Variants in PTPRN2 observed in about 807,000 individuals in gnomAD.
PTPRN2 encodes the protein receptor-type tyrosine-protein phosphatase N2.
A neutral mutation model predicts 118.8 loss-of-function variants in PTPRN2; 74 were observed. That is an observed-to-expected ratio of 0.62 (90% CI 0.52 to 0.76). The LOEUF is 0.76. PTPRN2 is among the 30% of genes least tolerant of loss of function. The probability of loss-of-function intolerance (pLI) is 0.00; values close to 1 mark genes in which losing one functional copy is unlikely to be tolerated. For missense variants in PTPRN2, 1,481 were observed against 1,394.4 expected, an observed-to-expected ratio of 1.06 and a Z score of -0.99; for synonymous variants, 641 against 608.0, an observed-to-expected ratio of 1.05 and a Z score of -0.80.
At chr7:157,820,088 A>G (rs1806720488) in intron 12 of PTPRN2, among the ~76,000 whole-genome samples, 1 of 151,562 alleles carries the variant, frequency 6.6e-6, no homozygotes, top group Admixed American at 6.6e-5. Context: ...GTATATGCAC[A>G]CACACAACAC....
At position 158,171,238 on chromosome 7, in the gene PTPRN2, TACACATATATAC is replaced by T. The variant is rs1823595178; in HGVS notation, c.550-3959_550-3948del. 1.6e-4 allele frequency among the ~76,000 whole-genome samples: 10 copies of T among 63,944 alleles called. 1 individual carries two copies. In the South Asian group the frequency reaches 2.1e-3, roughly 14 times the overall value. The allele number at this position is 63,944 out of a possible 152,430, so 41.9% of individuals were successfully genotyped here. A position where few individuals can be genotyped will look rare whatever the true frequency, so the allele number is the denominator to read the frequency against. On this transcript the variant is annotated intron_variant, in intron 5 of 22. Transcript: ENST00000389418. Reference sequence around the variant, plus strand: ...ACACACATATATACACACATATATATACACATATATACACACATATATATACACACATATATA... The same window carrying T: ...ACACACATATATACACACATATATATACACATATATATACACACATATATA...
rs530685926 is a variant in PTPRN2 at position 158,092,668 on chromosome 7, A to G, written c.1644-11291T>C. 3.2e-4 allele frequency among the ~76,000 whole-genome samples: 49 copies of G among 152,282 alleles called. 1 individual carries two copies. The highest frequency in any genetic ancestry group is 3.1e-3 in the Admixed American group (48 of 15,306). On this transcript the variant is annotated intron_variant, in intron 10 of 22. Coordinates refer to ENST00000389418, the MANE Select transcript of PTPRN2 (RefSeq NM_002847.5). The stretch of plus-strand genomic sequence containing the variant: ...GTTCAGAGAAACACAGTGCTAATAA[A>G]GGTCTCAAAATTATCAAACAAAATC...
rs967844567 is a variant in PTPRN2 at position 157,987,099 on chromosome 7, G to A, written c.1724-88362C>T. The stretch of plus-strand genomic sequence containing the variant: ...CCACCAGCCAGTGGGGAATGAGCCC[G>A]TGAAGGTCACAGCCAGCCATGAAAC... On this transcript the variant is annotated intron_variant, in intron 11 of 22. Coordinates refer to ENST00000389418, the MANE Select transcript of PTPRN2 (RefSeq NM_002847.5). This position sits in a 1 kb window ranked among gnomAD's most constrained non-coding sequence, Gnocchi z 4.3. 4.6e-5 allele frequency among the ~76,000 whole-genome samples: 7 copies of A among 152,278 alleles called. No individual in the cohort carries two copies. Among genetic ancestry groups the A allele is most frequent in the South Asian group, 2.1e-4 (1 of 4,828 alleles).
chr7:158,489,620 G>T, intron 2 of PTPRN2, 115 bp downstream of exon 2: 3 of 1,096,166 alleles, frequency 2.7e-6, no homozygotes, highest in Non-Finnish European at 3.7e-6. Flanking sequence ...TCTCGGCAGC[G>T]CGCCCCGGGC....
intron 3 of PTPRN2, among the ~76,000 whole-genome samples, chr7:158,262,933 TGCACACACAC>T (rs1408928732): frequency 7.7e-6 from 1 of 129,116 alleles, no homozygotes; most frequent in African/African-American, 3.4e-5. Flanking sequence ...ATTCACACAC[TGCACACACAC>T]ATTCACACAC....
chr7:157,918,411 G>T (rs1036721122), intron 11 of PTPRN2, among the ~76,000 whole-genome samples: 14 of 152,170 alleles, frequency 9.2e-5, no homozygotes, highest in African/African-American at 3.1e-4. Flanking sequence ...GAAGGAACAG[G>T]AGGGAAGCTG....
At chr7:158,416,639 A>C (rs114287698) in intron 2 of PTPRN2, among the ~76,000 whole-genome samples, 164 of 152,326 alleles carry the variant, frequency 1.1e-3, no homozygotes, top group African/African-American at 3.8e-3. Context: ...CCAGAGAATG[A>C]AAAGGGATGG....
chr7:158,410,034 G>A (rs917856934), intron 2 of PTPRN2, among the ~76,000 whole-genome samples: 3 of 152,192 alleles, frequency 2.0e-5, no homozygotes, highest in Non-Finnish European at 4.4e-5. Flanking sequence ...AGGCGTCCCC[G>A]CAGATTCAGC....
chr7:157,782,120 C>T (rs1803715457), intron 12 of PTPRN2, among the ~76,000 whole-genome samples: 1 of 152,216 alleles, frequency 6.6e-6, no homozygotes, highest in African/African-American at 2.4e-5. Context: ...GTGGATTTGC[C>T]CTGATGGCTT....
intron 6 of PTPRN2, among the ~76,000 whole-genome samples, chr7:158,142,423 C>T (rs78775280): frequency 0.019 from 2,961 of 152,344 alleles, 107 homozygotes; most frequent in African/African-American, 0.068. Context: ...GCCCCCTCCT[C>T]TCAAAATCTG....
chr7:157,954,314 CTG>C (rs1230281294), intron 11 of PTPRN2, among the ~76,000 whole-genome samples: 2 of 119,182 alleles, frequency 1.7e-5, no homozygotes. Flanking sequence ...TACCCGTGTA[CTG>C]TGTGTGTGCT....
intron 11 of PTPRN2, among the ~76,000 whole-genome samples, chr7:157,997,492 T>C (rs1297392462): frequency 6.6e-6 from 1 of 152,174 alleles, no homozygotes; most frequent in Non-Finnish European, 1.5e-5. Context: ...CCATCCACAC[T>C]GGCCCTGCAA....
intron 12 of PTPRN2, among the ~76,000 whole-genome samples, chr7:157,846,412 G>T (rs1222852733): frequency 6.6e-6 from 1 of 151,922 alleles, no homozygotes; most frequent in African/African-American, 2.4e-5. Flanking sequence ...AGGAAATGAC[G>T]CTCTAAAAAT....
chr7:157,642,836 A>AAAAAC (rs1804774637), intron 14 of PTPRN2, among the ~76,000 whole-genome samples: 1 of 145,944 alleles, frequency 6.9e-6, no homozygotes, highest in Non-Finnish European at 1.5e-5. Context: ...AAAAAAAAAA[A>AAAAAC]AAAAAAAAGC....
chr7:158,500,957 C>A (rs1486334543), intron 1 of PTPRN2, among the ~76,000 whole-genome samples: 1 of 152,224 alleles, frequency 6.6e-6, no homozygotes, highest in South Asian at 2.1e-4. Flanking sequence ...CTTGCACACG[C>A]GAGGGTGTGA....
Position 157,603,601 on chromosome 7 carries a change from T to C in PTPRN2, c.2418+401A>G, listed in dbSNP as rs1307925901. 6.6e-6 allele frequency among the ~76,000 whole-genome samples: 1 copy of C among 152,162 alleles called. No individual in the cohort carries two copies. The highest frequency in any genetic ancestry group is 1.5e-5 in the Non-Finnish European group (1 of 68,018). On this transcript the variant is annotated intron_variant, in intron 16 of 22. Coordinates refer to ENST00000389418, the MANE Select transcript of PTPRN2 (RefSeq NM_002847.5). This position sits in a 1 kb window ranked among gnomAD's most constrained non-coding sequence, Gnocchi z 5.4. ...AATTCTGGACCTGCCTCCAAGCCACTGATTGTTACAAAAAGCGTAGACTGA... is the reference window on the plus strand; with the variant it reads ...AATTCTGGACCTGCCTCCAAGCCACCGATTGTTACAAAAAGCGTAGACTGA...
Position 157,987,050 on chromosome 7 carries a change from C to T in PTPRN2, c.1724-88313G>A, listed in dbSNP as rs529589499. On this transcript the variant is annotated intron_variant, in intron 11 of 22. Coordinates refer to ENST00000389418, the MANE Select transcript of PTPRN2 (RefSeq NM_002847.5). The surrounding 1 kb of genome is among the most constrained non-coding windows in gnomAD (Gnocchi z 4.3). ...ATGCACTGGAGTAGCTGCCGGTACA[C>T]ATCTAGGGAGTGATGATCCCCCTCC... Among the ~76,000 whole-genome samples, 1 of 152,244 alleles carries T rather than the reference C, an allele frequency of 6.6e-6. No homozygotes were observed. Among genetic ancestry groups the T allele is most frequent in the Admixed American group, 6.5e-5 (1 of 15,292 alleles).
intron 6 of PTPRN2, among the ~76,000 whole-genome samples, chr7:158,146,677 C>A (rs191914941): frequency 2.1e-5 from 3 of 146,160 alleles, no homozygotes; most frequent in South Asian, 4.3e-4. Context: ...GCTGAGATCG[C>A]GCCACTGCAC....
intron 4 of PTPRN2, among the ~76,000 whole-genome samples, chr7:158,200,048 T>C (rs947401610): frequency 4.0e-5 from 6 of 151,338 alleles, no homozygotes; most frequent in Non-Finnish European, 7.4e-5. Flanking sequence ...AATCCACGTA[T>C]GAGAAGGCAA....
Sources: gnomAD v4.1 joint callset for allele counts (sites outside exome capture counted in the v4.1 genomes callset) on GRCh38, gnomAD v4.1.1 for gene constraint, Gnocchi (gnomAD v3.1) non-coding constraint, MANE v1.5 for transcripts, NCBI Gene and HGNC (gene_info 2026-07-23, HGNC 2026-07-21) for gene names.